Variants in ZNF624 observed in about 807,000 individuals in gnomAD.
ZNF624 encodes the protein zinc finger protein 624.
ZNF624 carries 43 observed loss-of-function variants against 74.7 expected under a neutral mutation model. The observed-to-expected ratio is 0.58, with a 90% CI of 0.45 to 0.74. ZNF624 has a LOEUF of 0.74. ZNF624 is among the 30% of genes least tolerant of loss of function. The probability of loss-of-function intolerance (pLI) is 0.00; values close to 1 mark genes in which losing one functional copy is unlikely to be tolerated. For synonymous variants in ZNF624, 331 were observed against 341.3 expected, an observed-to-expected ratio of 0.97 and a Z score of 0.33; for missense variants, 820 against 1,030.0, an observed-to-expected ratio of 0.80 and a Z score of 2.79.
chr17:16,617,044 G>T (rs1476465347), downstream of ZNF624: 1 of 1,609,392 alleles, frequency 6.2e-7, no homozygotes, highest in Non-Finnish European at 8.5e-7. Flanking sequence ...TTCTTTGGGG[G>T]ATCCGGACCG....
rs573092753 is a variant in ZNF624, at chr17:16,628,910, G to A, written c.377-4401C>T. ...ACTCTTAAAAGCAGCCAAAAAAAGA[G>A]AGACAGGGAAGGGCACAGTGGCTCA... On this transcript the variant is annotated intron_variant, in intron 5 of 5. Coordinates refer to ENST00000311331, the MANE Select transcript of ZNF624 (RefSeq NM_020787.4). 7.9e-5 allele frequency among the ~76,000 whole-genome samples: 12 copies of A among 152,148 alleles called. No individual in the cohort carries two copies. In the East Asian group the frequency reaches 2.1e-3, roughly 27 times the overall value.
chr17:16,634,644 T>C lies in ZNF624; in HGVS notation c.266A>G (p.Asn89Ser). Reference protein sequence around the residue: ...HKDVMLENYRNLVSLGLAVSK... With the variant: ...HKDVMLENYRSLVSLGLAVSK... The stretch of plus-strand genomic sequence containing the variant: ...GTTATCCTTACCCAGGGAGACCAGA[T>C]TCCTGTAATTCTCTAGCATCACATC... The change falls in exon 4 of 6, where the codon AAT (asparagine) becomes AGT (serine). Residue 89 changes from asparagine (N) to serine (S), a missense_variant. By Grantham distance (46) the Asn-to-Ser change is conservative. Transcript: ENST00000311331. The C allele has an allele frequency of 6.2e-7, 1 of 1,613,386 alleles. No homozygotes were observed. The highest frequency in any genetic ancestry group is 8.5e-7 in the Non-Finnish European group (1 of 1,179,572).
At chr17:16,644,303 G>A (rs1340293135) in intron 3 of ZNF624, among the ~76,000 whole-genome samples, 1 of 152,150 alleles carries the variant, frequency 6.6e-6, no homozygotes, top group East Asian at 1.9e-4. Context: ...TTTTGATCTT[G>A]TGAAAGTAAA....
At chr17:16,634,088 CAG>C in intron 4 of ZNF624, 131 bp from the exon 5 acceptor site, 2 of 575,360 alleles carry the variant, frequency 3.5e-6, no homozygotes, top group South Asian at 6.0e-5. Flanking sequence ...CTGTCTGATA[CAG>C]TTGCCAATTG....
downstream of ZNF624, among the ~76,000 whole-genome samples, chr17:16,615,847 G>A (rs981786256): frequency 2.0e-5 from 3 of 151,648 alleles, no homozygotes; most frequent in East Asian, 5.8e-4. Flanking sequence ...CTTTACCACA[G>A]ATGACATACT....
chr17:16,624,097 T>C lies in ZNF624; in HGVS notation c.789A>G (p.Leu263=). ...TATTATTGGATTTTTTCCCCAAAGT[T>C]AGTTCTGAAGTCTGCCTTATGGCTT... ...GSKAIRQTSE[L]TLGKKSNNKE... is the part of the protein sequence containing the mutation. Residue 263 remains leucine, a synonymous_variant, in exon 6 of 6, where the codon CTA becomes CTG. Coordinates refer to ENST00000311331, the MANE Select transcript of ZNF624 (RefSeq NM_020787.4). The C allele has an allele frequency of 6.2e-7, 1 of 1,614,200 alleles. No homozygotes were observed. The highest frequency in any genetic ancestry group is 8.5e-7 in the Non-Finnish European group (1 of 1,180,032).
chr17:16,640,505 C>G (rs184830571), intron 3 of ZNF624, among the ~76,000 whole-genome samples: 46 of 151,134 alleles, frequency 3.0e-4, no homozygotes, highest in Admixed American at 8.6e-4. Context: ...AATGGCAAAC[C>G]CTTAGCTAGA....
intron 3 of ZNF624, among the ~76,000 whole-genome samples, chr17:16,638,067 A>G (rs1482895126): frequency 6.6e-6 from 1 of 152,252 alleles, no homozygotes; most frequent in Admixed American, 6.5e-5. Context: ...ATGAACAGAC[A>G]CTTCTCAAAA....
At chr17:16,647,217 C>A in intron 3 of ZNF624, 112 bp downstream of exon 3, 1 of 978,244 alleles carries the variant, frequency 1.0e-6, no homozygotes, top group Non-Finnish European at 1.6e-6. Context: ...GGGGCTACCA[C>A]ACCAATCAAA....
chr17:16,647,715 A>G (rs72637360), intron 2 of ZNF624, among the ~76,000 whole-genome samples: 17,332 of 152,138 alleles, frequency 0.11, 1,185 homozygotes, highest in East Asian at 0.35. Context: ...GATGAAATCT[A>G]TTTCTCAGAA....
At chr17:16,636,306 T>C (rs992201034) in intron 3 of ZNF624, among the ~76,000 whole-genome samples, 2 of 152,226 alleles carry the variant, frequency 1.3e-5, no homozygotes, top group African/African-American at 4.8e-5. Flanking sequence ...ATAGTTTGTA[T>C]TGTAATCAAA....
At chr17:16,617,114 A>G, downstream of ZNF624, 1 of 1,612,844 alleles carries the variant, frequency 6.2e-7, no homozygotes, top group East Asian at 2.2e-5. Context: ...TGTGAATGGG[A>G]GCCCCGATCA....
In ZNF624 at chr17:16,622,086, T is replaced by C; in HGVS notation, c.*202A>G. 2.6e-6 allele frequency: 1 copy of C among 390,190 alleles called. No homozygotes were observed. The highest frequency in any genetic ancestry group is 8.9e-5 in the South Asian group (1 of 11,238). The allele number at this position is 390,190 out of a possible 1,614,324, so 24.2% of individuals were successfully genotyped here. A position where few individuals can be genotyped will look rare whatever the true frequency, so the allele number is the denominator to read the frequency against. The stretch of plus-strand genomic sequence containing the variant: ...TATGAAATCTGGATGAACACTTTCA[T>C]TTGTTCATTATTTTCCTCTAGTGAG... On this transcript the variant is annotated 3_prime_UTR_variant, in exon 6 of 6. Coordinates refer to ENST00000311331, the MANE Select transcript of ZNF624 (RefSeq NM_020787.4).
At position 16,650,613 on chromosome 17, in the gene ZNF624, C is replaced by G. The variant is rs115300556; in HGVS notation, c.-2-867G>C. Among the ~76,000 whole-genome samples the G allele has an allele frequency of 2.6e-3, 401 of 152,196 alleles. 3 individuals are homozygous for G. Among genetic ancestry groups the G allele is most frequent in the African/African-American group, 9.4e-3 (390 of 41,504 alleles). ...TTGGCTAATGATATGTATGGCCTTGCTGAGGCTGAGTTTGGTTCAAGAACC... is the reference window on the plus strand; with the variant it reads ...TTGGCTAATGATATGTATGGCCTTGGTGAGGCTGAGTTTGGTTCAAGAACC... On this transcript the variant is annotated intron_variant, in intron 1 of 5. Coordinates refer to ENST00000311331, the MANE Select transcript of ZNF624 (RefSeq NM_020787.4).
At chr17:16,625,127 C>T (rs1408572316) in intron 5 of ZNF624, among the ~76,000 whole-genome samples, 1 of 151,850 alleles carries the variant, frequency 6.6e-6, no homozygotes, top group Non-Finnish European at 1.5e-5. Context: ...GTCATACTTC[C>T]TTGCTTTCTA....
At chr17:16,618,827 A>G (rs940421749), downstream of ZNF624, among the ~76,000 whole-genome samples, 1 of 152,248 alleles carries the variant, frequency 6.6e-6, no homozygotes, top group African/African-American at 2.4e-5. Flanking sequence ...GTAAGAGTAC[A>G]GTATCTAATA....
Position 16,623,419 on chromosome 17 carries a change from T to G in ZNF624, c.1467A>C (p.Val489=), listed in dbSNP as rs202001835. 3.7e-6 allele frequency: 6 copies of G among 1,614,074 alleles called. No homozygotes were observed. Among genetic ancestry groups the G allele is most frequent in the Non-Finnish European group, 5.1e-6 (6 of 1,179,964 alleles). The change falls in exon 6 of 6, where the codon GTA becomes GTC. Residue 489 remains valine, a synonymous_variant. Coordinates refer to ENST00000311331, the MANE Select transcript of ZNF624 (RefSeq NM_020787.4). This position sits in a 1 kb window ranked among gnomAD's most constrained non-coding sequence, Gnocchi z 5.3. ...KAYRSNSSLI[V]HIRTHTGEKP... ...TTTCCCCAGTGTGAGTTCTTATATG[T>G]ACGATAAGGCTTGAATTACTTCTAT...
At chr17:16,649,358 C>T (rs1909665619) in intron 2 of ZNF624, among the ~76,000 whole-genome samples, 1 of 152,076 alleles carries the variant, frequency 6.6e-6, no homozygotes, top group Non-Finnish European at 1.5e-5. Flanking sequence ...TGCTGTCCCA[C>T]AAATAACTAA....
At chr17:16,643,486 G>A (rs1270266710) in intron 3 of ZNF624, among the ~76,000 whole-genome samples, 2 of 152,154 alleles carry the variant, frequency 1.3e-5, no homozygotes, top group Non-Finnish European at 2.9e-5. Context: ...AATCTATACA[G>A]ATGAAAAGAT....
Sources: allele counts gnomAD v4.1 joint callset (sites outside exome capture counted in the v4.1 genomes callset), GRCh38; gene constraint gnomAD v4.1.1; non-coding constraint Gnocchi (gnomAD v3.1); transcripts MANE v1.5; gene names NCBI Gene and HGNC (gene_info 2026-07-23, HGNC 2026-07-21).